The following PABPN1L variants were observed in gnomAD, a reference collection of about 807,000 sequenced individuals.
PABPN1L encodes the protein PABPN1 like, cytoplasmic.
Under a neutral mutation model 34.0 loss-of-function variants are expected in PABPN1L, and 45 were observed. That is an observed-to-expected ratio of 1.32 (90% CI 1.04 to 1.70). The LOEUF is 1.70. Ranked by LOEUF, PABPN1L falls within the 40% of genes most tolerant of loss-of-function variation. The probability of loss-of-function intolerance (pLI) is 0.00; values close to 1 mark genes in which losing one functional copy is unlikely to be tolerated. For synonymous variants in PABPN1L, 182 were observed against 152.1 expected (o/e 1.20, Z -1.45); for missense variants, 459 against 367.8 (o/e 1.25, Z -2.03).
chr16:88,865,216 G>A, intron 3 of PABPN1L, 88 bp from the exon 4 acceptor site: 1 of 1,398,312 alleles, frequency 7.2e-7, no homozygotes, highest in Non-Finnish European at 9.8e-7. Flanking sequence ...GAAACCCCAA[G>A]GCTGGGCCCC....
rs1968535489 is a variant in PABPN1L, at chr16:88,864,475, GC to G, written c.655-97del. On this transcript the variant is annotated intron_variant, in intron 5 of 6. Coordinates refer to ENST00000419291, the Ensembl canonical transcript of PABPN1L. ...CCACCACCCCGGAGCATGGGGTCCT[GC>G]CCGGCTCAGGATACCATTCGGGCCT... is the stretch of plus-strand genomic sequence containing the variant. 17 of 1,448,046 alleles carry G rather than the reference GC, an allele frequency of 1.2e-5. No individual in the cohort carries two copies. In the South Asian group the frequency reaches 2.4e-4, roughly 21 times the overall value. 89.7% of individuals were successfully genotyped at this position (1,448,046 alleles called of 1,614,324 possible).
Position 88,865,803 on chromosome 16 carries a change from T to G in PABPN1L, c.391+3A>C, listed in dbSNP as rs1463229764. On this transcript the variant is annotated splice_donor_region_variant and intron_variant, in intron 2 of 6. Coordinates refer to ENST00000419291, the Ensembl canonical transcript of PABPN1L. ...GGGGGCGGCCTGTGCCCTTGGTTCCTACCCACGGTCTCAGGGCTCAGCAGC... is the reference window on the plus strand; with the variant it reads ...GGGGGCGGCCTGTGCCCTTGGTTCCGACCCACGGTCTCAGGGCTCAGCAGC... 6.2e-7 allele frequency: 1 copy of G among 1,602,340 alleles called. No homozygotes were observed. The highest frequency in any genetic ancestry group is 8.5e-7 in the Non-Finnish European group (1 of 1,174,778).
intron 3 of PABPN1L, 132 bp from the exon 4 acceptor site, chr16:88,865,260 C>G (rs1282440255): frequency 1.1e-6 from 1 of 935,238 alleles, no homozygotes; most frequent in Non-Finnish European, 1.6e-6. Flanking sequence ...CCACCCCACA[C>G]CCCCGCTGGG....
intron 1 of PABPN1L, 64 bp downstream of exon 1, chr16:88,866,288 T>G: frequency 6.6e-7 from 1 of 1,506,356 alleles, no homozygotes; most frequent in Non-Finnish European, 8.9e-7. Flanking sequence ...CCAGACCCCG[T>G]GTCTCCACCA....
In PABPN1L at chr16:88,864,756, G is replaced by A. The variant is rs1359723713; in HGVS notation, c.654+97C>T. The A allele has an allele frequency of 8.4e-6, 11 of 1,316,004 alleles. No homozygotes were observed. In the Admixed American group the frequency reaches 1.0e-4, roughly 12 times the overall value. 81.5% of individuals were successfully genotyped at this position (1,316,004 alleles called of 1,614,324 possible). ...CCAAGCACCGTGCCTGAGACACGCT[G>A]TGCAGAGAGGAGCCAGCTGGGGCTG... On this transcript the variant is annotated intron_variant, in intron 5 of 6. Coordinates refer to ENST00000419291, the Ensembl canonical transcript of PABPN1L.
rs76821197 is a variant in PABPN1L at position 88,863,855 on chromosome 16, G to C, written c.798-60C>G. The C allele has an allele frequency of 5.6e-3, 8,237 of 1,471,390 alleles. 395 individuals are homozygous for C. The African/African-American group carries it at 0.1, about 18-fold the overall frequency. 91.1% of individuals were successfully genotyped at this position (1,471,390 alleles called of 1,614,324 possible). A position where few individuals can be genotyped will look rare whatever the true frequency, so the allele number is the denominator to read the frequency against. On this transcript the variant is annotated intron_variant, in intron 6 of 6. Transcript: ENST00000419291. ...CCAGAGGAGAAGGGGTGGTGGCCCAGGGCCCCGGGGGACAACAGGATAAGG... is the reference window on the plus strand; with the variant it reads ...CCAGAGGAGAAGGGGTGGTGGCCCACGGCCCCGGGGGACAACAGGATAAGG...
upstream of PABPN1L, among the ~76,000 whole-genome samples, chr16:88,867,875 C>G (rs536365390): frequency 1.3e-5 from 2 of 152,206 alleles, no homozygotes; most frequent in Admixed American, 6.5e-5. Flanking sequence ...TGGCTCTTAC[C>G]CCTGCCATTG....
At chr16:88,867,945 G>C (rs1330991483), upstream of PABPN1L, among the ~76,000 whole-genome samples, 3 of 152,228 alleles carry the variant, frequency 2.0e-5, no homozygotes, top group African/African-American at 7.2e-5. Context: ...CATCCTCTCT[G>C]TGACTGCACC....
chr16:88,864,828 C>T (rs1186568401), intron 5 of PABPN1L, 25 bp downstream of exon 5: 4 of 1,584,316 alleles, frequency 2.5e-6, no homozygotes, highest in Admixed American at 1.8e-5. Flanking sequence ...GCTCATGTTC[C>T]TGGACCTGGG....
chr16:88,868,541 G>C (rs966441458), upstream of PABPN1L, among the ~76,000 whole-genome samples: 1 of 152,128 alleles, frequency 6.6e-6, no homozygotes, highest in Non-Finnish European at 1.5e-5. Context: ...GGGAGGCAGA[G>C]GTTGCAGTGA....
exon 7 of PABPN1L, chr16:88,863,652 T>G (rs1200817977): frequency 1.4e-6 from 2 of 1,404,026 alleles, no homozygotes; most frequent in Non-Finnish European, 1.9e-6. Context: ...CCCTCTCCTC[T>G]GGCCTCGCCC....
upstream of PABPN1L, among the ~76,000 whole-genome samples, chr16:88,869,718 C>G (rs1968662872): frequency 6.6e-6 from 1 of 152,262 alleles, no homozygotes; most frequent in Non-Finnish European, 1.5e-5. Context: ...CCAGAGTCTG[C>G]TGGACTCGGC....
At chr16:88,864,986 C>G (rs774269034) in intron 4 of PABPN1L, 36 bp downstream of exon 4, 1 of 1,599,548 alleles carries the variant, frequency 6.3e-7, no homozygotes, top group Admixed American at 1.7e-5. Context: ...GGGCCCTGTC[C>G]GCATGGCCAG....
rs1243513280 is a variant in PABPN1L at position 88,864,123 on chromosome 16, C to T, written c.797+114G>A. 37 of 1,364,094 alleles carry T rather than the reference C, an allele frequency of 2.7e-5. No individual in the cohort carries two copies. The East Asian group carries it at 5.6e-4, about 21-fold the overall frequency. 84.5% of individuals were successfully genotyped at this position (1,364,094 alleles called of 1,614,324 possible). Reference sequence around the variant, plus strand: ...GCAGCCACAGCCCTCACCCAGGCCCCGCCAGGTACATTCCTGCAGCCCCAT... The same window carrying T: ...GCAGCCACAGCCCTCACCCAGGCCCTGCCAGGTACATTCCTGCAGCCCCAT... On this transcript the variant is annotated intron_variant, in intron 6 of 6. Coordinates refer to ENST00000419291, the Ensembl canonical transcript of PABPN1L.
upstream of PABPN1L, among the ~76,000 whole-genome samples, chr16:88,869,207 A>G (rs765784450): frequency 3.3e-5 from 5 of 152,202 alleles, no homozygotes; most frequent in Non-Finnish European, 7.3e-5. Context: ...ACTGAAGACC[A>G]TGCTGTCACC....
At chr16:88,864,765 G>A in intron 5 of PABPN1L, 88 bp downstream of exon 5, 2 of 1,378,028 alleles carry the variant, frequency 1.5e-6, no homozygotes, top group African/African-American at 1.4e-5. Flanking sequence ...TGTGCAGAGA[G>A]GAGCCAGCTG....
Position 88,865,631 on chromosome 16 carries a change from C to A in PABPN1L, c.392-1G>T. The A allele has an allele frequency of 6.2e-7, 1 of 1,606,520 alleles. No homozygotes were observed. Among genetic ancestry groups the A allele is most frequent in the Non-Finnish European group, 8.5e-7 (1 of 1,176,682 alleles). On this transcript the variant is annotated splice_acceptor_variant, in intron 2 of 6. Transcript: ENST00000419291. LOFTEE classifies it high-confidence loss of function. ...TCGGGGGTCCCAGAGAGGGGGCAGCCTGCGGAGAACACAGCTCAGGCCCGC... is the reference window on the plus strand; with the variant it reads ...TCGGGGGTCCCAGAGAGGGGGCAGCATGCGGAGAACACAGCTCAGGCCCGC...
upstream of PABPN1L, chr16:88,866,798 C>A (rs949682292): frequency 2.8e-5 from 21 of 747,528 alleles, no homozygotes; most frequent in Non-Finnish European, 4.4e-5. Context: ...CCCTGTCACT[C>A]GGACAGGTAC....
At chr16:88,865,041 A>G (rs1382370271) in exon 4 of PABPN1L, 1 of 1,600,532 alleles carries the variant, frequency 6.2e-7, no homozygotes, top group South Asian at 1.1e-5. Context: ...TGTCCAGAGA[A>G]CTTGTCACAC....
Sources: allele counts gnomAD v4.1 joint callset (sites outside exome capture counted in the v4.1 genomes callset), GRCh38; gene constraint gnomAD v4.1.1; transcripts MANE v1.5; gene names NCBI Gene and HGNC (gene_info 2026-07-23, HGNC 2026-07-21).